Variants in ANKRD27 observed in about 807,000 individuals in gnomAD.
ANKRD27 encodes the protein ankyrin repeat domain 27, also known as ankyrin repeat domain-containing protein 27.
Under a neutral mutation model 129.7 loss-of-function variants are expected in ANKRD27, and 112 were observed. That is an observed-to-expected ratio of 0.86 (90% CI 0.74 to 1.01). The LOEUF (loss-of-function observed/expected upper bound fraction) is 1.01. Ranked by LOEUF, ANKRD27 falls within the 50% of genes least tolerant of loss-of-function variation. The pLI, the probability that ANKRD27 is intolerant of heterozygous loss-of-function variation, is 0.00. For missense variants in ANKRD27, 1,258 were observed against 1,300.5 expected, an observed-to-expected ratio of 0.97 and a Z score of 0.50; for synonymous variants, 516 against 511.2, an observed-to-expected ratio of 1.01 and a Z score of -0.13.
At chr19:32,655,182 T>C (rs1330658188) in intron 2 of ANKRD27, 1 of 152,278 alleles carries the variant, frequency 6.6e-6, no homozygotes. Context: ...ACCATATTGA[T>C]GCCAAACTTA....
chr19:32,649,123 C>T (rs560513433), intron 3 of ANKRD27, among the ~76,000 whole-genome samples: 20 of 152,032 alleles, frequency 1.3e-4, no homozygotes, highest in African/African-American at 4.8e-4. Flanking sequence ...CGCACCATCA[C>T]GCCTGGCTAA....
At chr19:32,653,144 G>A (rs1342591065) in intron 2 of ANKRD27, among the ~76,000 whole-genome samples, 2 of 152,102 alleles carry the variant, frequency 1.3e-5, no homozygotes, top group African/African-American at 2.4e-5. Flanking sequence ...GTGTAACCCT[G>A]AAACCTGGCA....
At chr19:32,640,520 C>T in intron 10 of ANKRD27, 135 bp from the exon 11 acceptor site, 5 of 723,060 alleles carry the variant, frequency 6.9e-6, no homozygotes, top group South Asian at 4.8e-5. Context: ...AATGTCATTG[C>T]ACAAGCTCCT....
intron 22 of ANKRD27, among the ~76,000 whole-genome samples, chr19:32,609,373 A>C (rs997426017): frequency 2.0e-5 from 3 of 152,146 alleles, no homozygotes; most frequent in African/African-American, 7.2e-5. Context: ...CCTGTACACA[A>C]ATGTTCACAA....
intron 23 of ANKRD27, 46 bp from the exon 24 acceptor site, chr19:32,606,000 C>T: frequency 6.6e-7 from 1 of 1,517,084 alleles, no homozygotes; most frequent in Non-Finnish European, 8.8e-7. Flanking sequence ...AAATTTCTGT[C>T]ATTTCCTGCC....
At chr19:32,659,226 C>T (rs1041167432) in intron 1 of ANKRD27, among the ~76,000 whole-genome samples, 181 bp from the exon 2 acceptor site, 2 of 149,790 alleles carry the variant, frequency 1.3e-5, no homozygotes, top group Non-Finnish European at 3.0e-5. Flanking sequence ...GGACTACAGG[C>T]GCCCACCACC....
At position 32,656,103 on chromosome 19, in the gene ANKRD27, G is replaced by GAAAGAAAGGAAAAGAAAAGA. The variant is rs1555747136; in HGVS notation, c.102+2810_102+2811insTCTTTTCTTTTCCTTTCTTT. Among the ~76,000 whole-genome samples, 28 of 123,750 alleles carry GAAAGAAAGGAAAAGAAAAGA rather than the reference G, an allele frequency of 2.3e-4. 1 individual carries two copies. In the South Asian group the frequency reaches 5.8e-3, roughly 26 times the overall value. 81.2% of individuals were successfully genotyped at this position (123,750 alleles called of 152,430 possible). On this transcript the variant is annotated intron_variant, in intron 2 of 28. Transcript: ENST00000306065. Reference sequence around the variant, plus strand: ...AGAAAGAAAGAAAGAAAGAAAGAAAGAAAGAAAAGAAAAGAAAAGAAAAGA... The same window carrying GAAAGAAAGGAAAAGAAAAGA: ...AGAAAGAAAGAAAGAAAGAAAGAAAGAAAGAAAGGAAAAGAAAAGAAAAGAAAAGAAAAGAAAAGAAAAGA...
Position 32,597,479 on chromosome 19 carries a change from GT to G in ANKRD27, c.*665del, listed in dbSNP as rs2145251077. On this transcript the variant is annotated 3_prime_UTR_variant, in exon 29 of 29. Transcript: ENST00000306065. ...TAGAAATACTGCTACAGGTGCACGTGTAGTAACCGAATATCTGTACCTACTT... is the reference window on the plus strand; with the variant it reads ...TAGAAATACTGCTACAGGTGCACGTGAGTAACCGAATATCTGTACCTACTT... 6.5e-6 allele frequency: 1 copy of G among 153,164 alleles called. No homozygotes were observed. The highest frequency in any genetic ancestry group is 1.9e-4 in the East Asian group (1 of 5,194). The allele number at this position is 153,164 out of a possible 1,614,324, so 9.5% of individuals were successfully genotyped here. A position where few individuals can be genotyped will look rare whatever the true frequency, so the allele number is the denominator to read the frequency against.
chr19:32,659,139 CTTT>C (rs35323163), intron 1 of ANKRD27, 94 bp from the exon 2 acceptor site: 831 of 156,474 alleles, frequency 5.3e-3, no homozygotes, highest in Non-Finnish European at 5.6e-3. Context: ...TTTTCTTTTT[CTTT>C]TTTTTTTTTT....
intron 11 of ANKRD27, among the ~76,000 whole-genome samples, 168 bp downstream of exon 11, chr19:32,640,139 T>C (rs1599758736): frequency 6.6e-6 from 1 of 152,018 alleles, no homozygotes; most frequent in East Asian, 1.9e-4. Flanking sequence ...TTTTTTTGTA[T>C]TTTTTAGTAG....
chr19:32,638,556 G>T, intron 12 of ANKRD27: 1 of 152,586 alleles, frequency 6.6e-6, no homozygotes, highest in South Asian at 2.0e-4. Context: ...TGCAGGTGAC[G>T]AGAGGAGAGA....
chr19:32,645,585 T>A (rs1967286749), intron 4 of ANKRD27, among the ~76,000 whole-genome samples: 1 of 151,864 alleles, frequency 6.6e-6, no homozygotes, highest in Non-Finnish European at 1.5e-5. Context: ...ACTACAGGCA[T>A]GCACCACCAT....
intron 1 of ANKRD27, among the ~76,000 whole-genome samples, chr19:32,661,810 A>G (rs981750885): frequency 2.0e-5 from 3 of 152,194 alleles, no homozygotes; most frequent in African/African-American, 7.2e-5. Context: ...ACCTGTGAAT[A>G]TGGTATTTTC....
At chr19:32,605,460 T>C (rs1419743974) in intron 24 of ANKRD27, among the ~76,000 whole-genome samples, 2 of 152,182 alleles carry the variant, frequency 1.3e-5, no homozygotes, top group African/African-American at 4.8e-5. Context: ...CATGGACAGG[T>C]TGGTTTTTCC....
chr19:32,657,411 G>A (rs982334182), intron 2 of ANKRD27, among the ~76,000 whole-genome samples: 3 of 151,156 alleles, frequency 2.0e-5, no homozygotes, highest in African/African-American at 4.9e-5. Context: ...GCAGTGAGTC[G>A]AGATTGCGCC....
intron 18 of ANKRD27, 75 bp from the exon 19 acceptor site, chr19:32,619,628 GC>G: frequency 6.5e-7 from 1 of 1,547,572 alleles, no homozygotes; most frequent in Non-Finnish European, 8.9e-7. Context: ...TCACCCACAC[GC>G]CCCACTGCCG....
intron 20 of ANKRD27, 87 bp from the exon 21 acceptor site, chr19:32,617,720 G>T: frequency 5.1e-6 from 3 of 582,922 alleles, no homozygotes; most frequent in Admixed American, 2.9e-5. Flanking sequence ...AAAATCTATT[G>T]GCTTGATTTG....
At chr19:32,648,883 T>C (rs2145307290) in intron 3 of ANKRD27, among the ~76,000 whole-genome samples, 1 of 151,768 alleles carries the variant, frequency 6.6e-6, no homozygotes, top group East Asian at 1.9e-4. Context: ...GTTAACAGCT[T>C]GGGGGGAAGC....
intron 20 of ANKRD27, 124 bp from the exon 21 acceptor site, chr19:32,617,757 T>TTTG: frequency 2.8e-6 from 1 of 360,864 alleles, no homozygotes; most frequent in Non-Finnish European, 5.3e-6. Flanking sequence ...GATTTAGTTT[T>TTTG]TTTTTTTTTT....
Sources: allele counts gnomAD v4.1 joint callset (sites outside exome capture counted in the v4.1 genomes callset), GRCh38; gene constraint gnomAD v4.1.1; transcripts MANE v1.5; gene names NCBI Gene and HGNC (gene_info 2026-07-23, HGNC 2026-07-21).